KCNQ1OT1: variants seen among roughly 807,000 people sequenced by gnomAD.
KCNQ1OT1 encodes KCNQ1 opposite strand/antisense transcript 1, also known as KCNQ1 antisense RNA 2 (non-protein coding).
exon 1 of KCNQ1OT1, chr11:2,648,871 A>G: frequency 2.5e-6 from 1 of 398,180 alleles, no homozygotes. Context: ...TTTGTTTAAT[A>G]TACCTGGGTA....
rs899547336 is a variant in KCNQ1OT1, at chr11:2,661,214, C to T, written n.38781G>A. 1 of 398,548 alleles carries T rather than the reference C, an allele frequency of 2.5e-6. No homozygotes were observed. The highest frequency in any genetic ancestry group is 2.1e-5 in the African/African-American group (1 of 48,602). 24.7% of individuals were successfully genotyped at this position (398,548 alleles called of 1,614,324 possible). A position where few individuals can be genotyped will look rare whatever the true frequency, so the allele number is the denominator to read the frequency against. On this transcript the variant is annotated non_coding_transcript_exon_variant, in exon 1 of 1. Transcript: ENST00000597346. The surrounding 1 kb of genome is among the most constrained non-coding windows in gnomAD (Gnocchi z 5.9). ...CATTGTGAATCTTTGAATTATTCCA[C>T]TTCTCACAGATGAGTACTTAATCCT...
chr11:2,646,973 CTT>C (rs2133837244), exon 1 of KCNQ1OT1: 1 of 398,498 alleles, frequency 2.5e-6, no homozygotes, highest in East Asian at 3.6e-5. Context: ...TTTGGATACC[CTT>C]TTTCTTTTAC....
rs1330850257 is a variant in KCNQ1OT1, at chr11:2,687,397, C to T, written n.12598G>A. The T allele has an allele frequency of 2.5e-6, 1 of 398,686 alleles. No individual in the cohort carries two copies. Among genetic ancestry groups the T allele is most frequent in the Non-Finnish European group, 4.4e-6 (1 of 226,104 alleles). 24.7% of individuals were successfully genotyped at this position (398,686 alleles called of 1,614,324 possible). A position where few individuals can be genotyped will look rare whatever the true frequency, so the allele number is the denominator to read the frequency against. Reference sequence around the variant, plus strand: ...TCAGGGCTGAGCTCTGCTGAAGGATCTGGGAGGTCAGTAGGCACCTGTGTC... The same window carrying T: ...TCAGGGCTGAGCTCTGCTGAAGGATTTGGGAGGTCAGTAGGCACCTGTGTC... On this transcript the variant is annotated non_coding_transcript_exon_variant, in exon 1 of 1. Transcript: ENST00000597346. This position sits in a 1 kb window ranked among gnomAD's most constrained non-coding sequence, Gnocchi z 5.0.
chr11:2,675,617 G>C (rs574974390), exon 1 of KCNQ1OT1: 2 of 398,514 alleles, frequency 5.0e-6, no homozygotes, highest in African/African-American at 4.1e-5. Flanking sequence ...ATAGGGTGGA[G>C]AGCACCCCTT....
Position 2,661,457 on chromosome 11 carries a change from G to T in KCNQ1OT1, n.38538C>A. ...TGATGTAGCATCGTGTTTTGAGGAA[G>T]GAGTTCTGTGGCTGCCCCCACCTCC... On this transcript the variant is annotated non_coding_transcript_exon_variant, in exon 1 of 1. Transcript: ENST00000597346. The surrounding 1 kb of genome is among the most constrained non-coding windows in gnomAD (Gnocchi z 5.9). The T allele has an allele frequency of 2.3e-6, 1 of 438,368 alleles. No homozygotes were observed. The highest frequency in any genetic ancestry group is 4.0e-6 in the Non-Finnish European group (1 of 249,392). The allele number at this position is 438,368 out of a possible 1,614,324, so 27.2% of individuals were successfully genotyped here.
exon 1 of KCNQ1OT1, chr11:2,609,512 A>T: frequency 2.5e-6 from 1 of 398,382 alleles, no homozygotes; most frequent in Non-Finnish European, 4.4e-6. Flanking sequence ...TGTTGGGCGA[A>T]GTGCTCTATA....
exon 1 of KCNQ1OT1, chr11:2,629,253 C>A: frequency 2.5e-6 from 1 of 398,214 alleles, no homozygotes; most frequent in South Asian, 1.3e-4. Context: ...TTATTTGTAT[C>A]ATCTTAGAAT....
Position 2,612,601 on chromosome 11 carries a change from A to G in KCNQ1OT1, n.87394T>C, listed in dbSNP as rs568253928. 1.6e-4 allele frequency: 62 copies of G among 398,402 alleles called. No individual in the cohort carries two copies. Among genetic ancestry groups the G allele is most frequent in the Middle Eastern group, 6.2e-4 (1 of 1,610 alleles). 24.7% of individuals were successfully genotyped at this position (398,402 alleles called of 1,614,324 possible). On this transcript the variant is annotated non_coding_transcript_exon_variant, in exon 1 of 1. Transcript: ENST00000597346. This position sits in a 1 kb window ranked among gnomAD's most constrained non-coding sequence, Gnocchi z 5.5. ...AATTTCTATTTGGTTTCTAATTTCT[A>G]TCTCTATATTGATATTATCTATTTG... is the stretch of plus-strand genomic sequence containing the variant.
At chr11:2,619,778 A>G in exon 1 of KCNQ1OT1, 3 of 397,090 alleles carry the variant, frequency 7.6e-6, no homozygotes, top group Non-Finnish European at 1.3e-5. Flanking sequence ...AAGTATTGGT[A>G]TTCTTTGAAT....
At chr11:2,632,182 C>CA (rs34998500) in exon 1 of KCNQ1OT1, 147,090 of 307,310 alleles carry the variant, frequency 0.48, 26,780 homozygotes, top group Admixed American at 0.59. Flanking sequence ...GACTCTGCCT[C>CA]AAAAAAAAAA....
rs766224458 is a variant in KCNQ1OT1 at position 2,647,739 on chromosome 11, G to C, written n.52256C>G. On this transcript the variant is annotated non_coding_transcript_exon_variant, in exon 1 of 1. Coordinates refer to ENST00000597346, the Ensembl canonical transcript of KCNQ1OT1. The surrounding 1 kb of genome is among the most constrained non-coding windows in gnomAD (Gnocchi z 4.0). ...AATCTTGGGAGGTTATATATGTCCA[G>C]GAATTTATCTCTTTCCTCTAGGTTT... The C allele has an allele frequency of 3.8e-5, 15 of 398,232 alleles. No homozygotes were observed. Among genetic ancestry groups the C allele is most frequent in the Non-Finnish European group, 6.2e-5 (14 of 225,984 alleles). 24.7% of individuals were successfully genotyped at this position (398,232 alleles called of 1,614,324 possible).
At chr11:2,633,970 A>C (rs1021380701) in exon 1 of KCNQ1OT1, 7 of 398,414 alleles carry the variant, frequency 1.8e-5, no homozygotes, top group African/African-American at 4.1e-5. Flanking sequence ...TATACAGTTC[A>C]AATCTATGTT....
exon 1 of KCNQ1OT1, chr11:2,610,133 A>G: frequency 2.5e-6 from 1 of 397,730 alleles, no homozygotes; most frequent in Non-Finnish European, 4.4e-6. Flanking sequence ...CTACTTTCTA[A>G]TATAAATTTT....
exon 1 of KCNQ1OT1, chr11:2,614,788 T>A (rs1849034990): frequency 2.5e-6 from 1 of 398,522 alleles, no homozygotes. Flanking sequence ...TTGTTTTGAT[T>A]ACTGCAGCTT....
rs374645377 is a variant in KCNQ1OT1 at position 2,667,752 on chromosome 11, G to A, written n.32243C>T. 142 of 398,718 alleles carry A rather than the reference G, an allele frequency of 3.6e-4. No individual in the cohort carries two copies. In the East Asian group the frequency reaches 4.5e-3, roughly 13 times the overall value. 24.7% of individuals were successfully genotyped at this position (398,718 alleles called of 1,614,324 possible). On this transcript the variant is annotated non_coding_transcript_exon_variant, in exon 1 of 1. Transcript: ENST00000597346. ...AAGTGAGGGAGTGGGATGGGGCTGG[G>A]CCTAGCGGCCCTGAAGGCCAGGGCT...
exon 1 of KCNQ1OT1, chr11:2,694,323 C>A (rs1198321790): frequency 1.5e-5 from 6 of 398,564 alleles, no homozygotes; most frequent in Non-Finnish European, 2.7e-5. Context: ...TGGTTGTCAT[C>A]TGCGGTGCCC....
In KCNQ1OT1 at chr11:2,627,312, G is replaced by A. The variant is rs1474445957; in HGVS notation, n.72683C>T. The A allele has an allele frequency of 1.0e-5, 4 of 398,412 alleles. No individual in the cohort carries two copies. The South Asian group carries it at 3.8e-4, about 38-fold the overall frequency. The allele number at this position is 398,412 out of a possible 1,614,324, so 24.7% of individuals were successfully genotyped here. On this transcript the variant is annotated non_coding_transcript_exon_variant, in exon 1 of 1. Transcript: ENST00000597346. The surrounding 1 kb of genome is among the most constrained non-coding windows in gnomAD (Gnocchi z 4.9). ...TTACATAGTTGCCATGTGTGTGCGT[G>A]TGTGTGGTCAGAATACCTAAGCTAT...
At chr11:2,641,900 A>C (rs1849585148) in exon 1 of KCNQ1OT1, 1 of 398,318 alleles carries the variant, frequency 2.5e-6, no homozygotes, top group Non-Finnish European at 4.4e-6. Flanking sequence ...CTCTTTTCCC[A>C]GTGTATGTTC....
chr11:2,665,065 C>G (rs1009171050), exon 1 of KCNQ1OT1: 12 of 398,344 alleles, frequency 3.0e-5, no homozygotes, highest in African/African-American at 2.5e-4. Context: ...GGAGTCATGA[C>G]AAGCTGAGGC....
Sources: gnomAD v4.1 joint callset for allele counts on GRCh38, gnomAD v4.1.1 for gene constraint, Gnocchi (gnomAD v3.1) non-coding constraint, MANE v1.5 for transcripts, NCBI Gene and HGNC (gene_info 2026-07-23, HGNC 2026-07-21) for gene names.